CILK1: variants seen among roughly 807,000 people sequenced by gnomAD.
CILK1 encodes ciliogenesis associated kinase 1.
Under a neutral mutation model 79.2 loss-of-function variants are expected in CILK1, and 47 were observed. The observed-to-expected ratio is 0.59, with a 90% CI of 0.47 to 0.76. The LOEUF is 0.76. Among genes scored for constraint, CILK1 ranks in the 30% least tolerant of loss-of-function variants. The pLI is 0.00. For synonymous variants in CILK1, 266 were observed against 275.9 expected (o/e 0.96, Z 0.36); for missense variants, 660 against 769.5 (o/e 0.86, Z 1.68).
At chr6:53,036,426 G>GT (rs892232574) in intron 3 of CILK1, among the ~76,000 whole-genome samples, 2 of 151,890 alleles carry the variant, frequency 1.3e-5, no homozygotes, top group African/African-American at 4.8e-5. Flanking sequence ...TTTTGTTTTT[G>GT]TTTTTTTAAG....
intron 1 of CILK1, among the ~76,000 whole-genome samples, chr6:53,058,442 A>C (rs1305089296): frequency 6.6e-6 from 1 of 152,198 alleles, no homozygotes; most frequent in Non-Finnish European, 1.5e-5. Flanking sequence ...TCTAGAACAC[A>C]TGTGCTTTTA....
In CILK1 at chr6:53,005,036, A is replaced by G. The variant is rs1764136052; in HGVS notation, c.*113T>C. 2 of 1,192,110 alleles carry G rather than the reference A, an allele frequency of 1.7e-6. No homozygotes were observed. The highest frequency in any genetic ancestry group is 1.7e-5 in the Admixed American group (1 of 59,044). 73.8% of individuals were successfully genotyped at this position (1,192,110 alleles called of 1,614,324 possible). A position where few individuals can be genotyped will look rare whatever the true frequency, so the allele number is the denominator to read the frequency against. ...TGTCTTAGTTCAGAAGAATAACTAT[A>G]AAGTGTTGATTTGCTTTTATGCCCT... is the stretch of plus-strand genomic sequence containing the variant. On this transcript the variant is annotated 3_prime_UTR_variant, in exon 14 of 14. Transcript: ENST00000676107.
chr6:53,018,728 C>T (rs1467269389), intron 6 of CILK1, among the ~76,000 whole-genome samples: 1 of 152,096 alleles, frequency 6.6e-6, no homozygotes, highest in Admixed American at 6.6e-5. Flanking sequence ...CAGGAGACTT[C>T]TCTATGGCAT....
At chr6:53,015,951 A>G (rs1015354293) in intron 8 of CILK1, 132 bp downstream of exon 8, 3 of 904,180 alleles carry the variant, frequency 3.3e-6, no homozygotes, top group African/African-American at 3.3e-5. Context: ...CTCATACCTT[A>G]TATAGTACAC....
At chr6:53,012,286 G>T in intron 9 of CILK1, 59 bp from the exon 10 acceptor site, 2 of 1,496,814 alleles carry the variant, frequency 1.3e-6, no homozygotes, top group South Asian at 1.1e-5. Flanking sequence ...ACTCATCCAT[G>T]AGTAATCTCC....
chr6:53,012,015 CA>C, intron 10 of CILK1, 21 bp downstream of exon 10: 1 of 1,614,096 alleles, frequency 6.2e-7, no homozygotes, highest in African/African-American at 1.3e-5. Flanking sequence ...AGTCTGTTTA[CA>C]AATGTGAGCA....
At chr6:53,006,469 C>T in intron 12 of CILK1, 32 bp from the exon 13 acceptor site, 2 of 1,609,984 alleles carry the variant, frequency 1.2e-6, no homozygotes, top group Non-Finnish European at 1.7e-6. Flanking sequence ...CTCATTATTA[C>T]AAAGACATGT....
intron 11 of CILK1, among the ~76,000 whole-genome samples, chr6:53,010,916 G>T (rs1764533476): frequency 6.6e-6 from 1 of 152,180 alleles, no homozygotes; most frequent in African/African-American, 2.4e-5. Context: ...ACAGTGTGAA[G>T]GAATTCCCCA....
chr6:53,005,291 AG>A lies in CILK1; in HGVS notation c.1756del (p.Leu586Ter), dbSNP rs1249158694. The A allele has an allele frequency of 1.3e-5, 21 of 1,614,088 alleles. No homozygotes were observed. The highest frequency in any genetic ancestry group is 1.4e-5 in the Non-Finnish European group (17 of 1,180,030). The stretch of plus-strand genomic sequence containing the variant: ...CCCAGGATGAGGTCTCATGGCCTTC[AG>A]GGAGGAATAACCTGCAATGAAAGAA... ...IPDPSPGYSS[L>X]KAMRPHPGRP... On this transcript the variant is annotated frameshift_variant, in exon 14 of 14. Coordinates refer to ENST00000676107, the MANE Select transcript of CILK1 (RefSeq NM_014920.5). LOFTEE classifies it high-confidence loss of function.
chr6:53,025,970 C>T (rs181096833), intron 5 of CILK1, among the ~76,000 whole-genome samples: 4 of 152,204 alleles, frequency 2.6e-5, no homozygotes, highest in South Asian at 2.1e-4. Flanking sequence ...TGCCACATAG[C>T]GGGTAGGTGT....
intron 3 of CILK1, among the ~76,000 whole-genome samples, chr6:53,035,901 G>C (rs1294108523): frequency 6.6e-6 from 1 of 151,354 alleles, no homozygotes; most frequent in African/African-American, 2.4e-5. Context: ...TCCCCTCTGT[G>C]TTCAGGGTTA....
intron 3 of CILK1, among the ~76,000 whole-genome samples, chr6:53,036,494 C>T (rs533345403): frequency 8.1e-4 from 124 of 152,304 alleles, no homozygotes; most frequent in African/African-American, 2.9e-3. Flanking sequence ...CAGCTCACTG[C>T]AACCTCCACT....
chr6:53,038,006 A>G lies in CILK1; in HGVS notation c.102-13T>C. ...TTTTCTTTTCATTCTAGAAGAGAAG[A>G]AAGAAACAAACAGCACACTTATTCT... On this transcript the variant is annotated splice_polypyrimidine_tract_variant and intron_variant, in intron 2 of 13. Transcript: ENST00000676107. The G allele has an allele frequency of 6.3e-7, 1 of 1,577,356 alleles. No homozygotes were observed. Among genetic ancestry groups the G allele is most frequent in the African/African-American group, 1.3e-5 (1 of 74,284 alleles).
rs190777164 is a variant in CILK1, at chr6:53,005,114, C to T, written c.*35G>A. 160 of 1,612,222 alleles carry T rather than the reference C, an allele frequency of 9.9e-5. 1 individual carries two copies. The East Asian group carries it at 3.5e-3, about 35-fold the overall frequency. The stretch of plus-strand genomic sequence containing the variant: ...TCAGCTGAGGGAAAGTATCCTGCTT[C>T]TCCCTAGGAAGAGATTCATCACCAA... On this transcript the variant is annotated 3_prime_UTR_variant, in exon 14 of 14. Coordinates refer to ENST00000676107, the MANE Select transcript of CILK1 (RefSeq NM_014920.5).
rs772086917 is a variant in CILK1 at position 53,012,242 on chromosome 6, G to A, written c.1153-15C>T. 16 of 1,613,322 alleles carry A rather than the reference G, an allele frequency of 9.9e-6. 1 individual carries two copies. Among genetic ancestry groups the A allele is most frequent in the Middle Eastern group, 1.7e-4 (1 of 6,058 alleles). On this transcript the variant is annotated splice_polypyrimidine_tract_variant and intron_variant, in intron 9 of 13. Transcript: ENST00000676107. ...GCTGTGATTTTCTGTGTAAACAAAC[G>A]GGGTGGGGGAAAGCAATACTTGGCA...
At chr6:53,055,385 G>A (rs543771535) in intron 1 of CILK1, among the ~76,000 whole-genome samples, 2 of 152,292 alleles carry the variant, frequency 1.3e-5, no homozygotes, top group Middle Eastern at 3.4e-3. Flanking sequence ...TTCTGCCTCT[G>A]TACATTTTAG....
At chr6:53,005,324 C>T (rs574979523) in intron 13 of CILK1, 21 bp from the exon 14 acceptor site, 60 of 1,613,860 alleles carry the variant, frequency 3.7e-5, no homozygotes, top group Middle Eastern at 3.3e-4. Flanking sequence ...AGAAAAAGGC[C>T]GGCATGACTG....
intron 5 of CILK1, among the ~76,000 whole-genome samples, chr6:53,023,074 C>T (rs1765349410): frequency 6.6e-6 from 1 of 152,084 alleles, no homozygotes; most frequent in Admixed American, 6.5e-5. Flanking sequence ...GCTAGGACTA[C>T]AGGCGCCTGC....
At chr6:53,036,163 C>A (rs1447605666) in intron 3 of CILK1, among the ~76,000 whole-genome samples, 2 of 152,196 alleles carry the variant, frequency 1.3e-5, no homozygotes, top group East Asian at 3.9e-4. Flanking sequence ...TGCATTAGAA[C>A]TAATACACAA....
Sources: allele counts gnomAD v4.1 joint callset (sites outside exome capture counted in the v4.1 genomes callset), GRCh38; gene constraint gnomAD v4.1.1; transcripts MANE v1.5; gene names NCBI Gene and HGNC (gene_info 2026-07-23, HGNC 2026-07-21).